The following CCDC171 variants were observed in gnomAD, a reference collection of about 807,000 sequenced individuals.
CCDC171 encodes coiled-coil domain containing 171.
A neutral mutation model predicts 168.2 loss-of-function variants in CCDC171; 177 were observed. The observed-to-expected ratio is 1.05, with a 90% CI of 0.93 to 1.19. The LOEUF is 1.19. CCDC171 is among the 50% of genes most tolerant of loss of function. The pLI is 0.00. For missense variants in CCDC171, 1,991 were observed against 1,539.0 expected (o/e 1.29, Z -4.91); for synonymous variants, 687 against 540.8 (o/e 1.27, Z -3.75).
chr9:15,787,589 C>G (rs1170300983), intron 21 of CCDC171, among the ~76,000 whole-genome samples: 2 of 151,948 alleles, frequency 1.3e-5, no homozygotes, highest in African/African-American at 4.8e-5. Flanking sequence ...GATGAACAAC[C>G]TGGTATCTAA....
intron 7 of CCDC171, among the ~76,000 whole-genome samples, chr9:15,630,771 G>GTT (rs2045612630): frequency 1.3e-5 from 2 of 152,178 alleles, no homozygotes; most frequent in South Asian, 4.1e-4. Context: ...ATAGTTGGAA[G>GTT]TAAAGCTCTC....
At chr9:16,029,425 T>C (rs1202852294) in intron 6 of CCDC171, among the ~76,000 whole-genome samples, 1 of 152,196 alleles carries the variant, frequency 6.6e-6, no homozygotes, top group African/African-American at 2.4e-5. Flanking sequence ...GGAACTCTGA[T>C]AAATTGGTGA....
intron 21 of CCDC171, among the ~76,000 whole-genome samples, chr9:15,815,204 A>G (rs1477801412): frequency 2.0e-5 from 3 of 152,058 alleles, no homozygotes; most frequent in African/African-American, 7.2e-5. Flanking sequence ...CAGGGGTCTC[A>G]AGACTTACGC....
intron 1 of CCDC171, among the ~76,000 whole-genome samples, chr9:15,562,467 A>G (rs1227545668): frequency 2.0e-5 from 3 of 152,176 alleles, no homozygotes; most frequent in South Asian, 2.1e-4. Flanking sequence ...GGAAGATGCT[A>G]TCTCTCTAGA....
chr9:16,037,399 G>C (rs995681426), intron 8 of CCDC171, among the ~76,000 whole-genome samples: 2 of 152,168 alleles, frequency 1.3e-5, no homozygotes, highest in Non-Finnish European at 2.9e-5. Flanking sequence ...GACCACACAA[G>C]ATCCCCTGAA....
chr9:15,667,461 C>T (rs2048813996), intron 9 of CCDC171, among the ~76,000 whole-genome samples: 1 of 152,072 alleles, frequency 6.6e-6, no homozygotes, highest in Admixed American at 6.5e-5. Context: ...GCCTGGCTAA[C>T]ATGGTGAAAC....
intron 20 of CCDC171, among the ~76,000 whole-genome samples, chr9:15,779,489 AGCTGGGATTACAGGTG>A: frequency 2.0e-5 from 3 of 152,114 alleles, no homozygotes; most frequent in Admixed American, 2.0e-4. Flanking sequence ...CCTCCCAAGC[AGCTGGGATTACAGGTG>A]GCTGCCACCA....
intron 21 of CCDC171, chr9:15,845,595 G>A (rs1359095512): frequency 4.6e-5 from 7 of 151,820 alleles, no homozygotes; most frequent in Non-Finnish European, 8.8e-5. Flanking sequence ...TGTTAGAAGA[G>A]TTTTACACAT....
chr9:15,596,791 T>C (rs1335217104), intron 6 of CCDC171, among the ~76,000 whole-genome samples: 1 of 152,154 alleles, frequency 6.6e-6, no homozygotes, highest in Non-Finnish European at 1.5e-5. Context: ...GGAATGTTCT[T>C]CCATTTGTTT....
chr9:15,953,227 G>A (rs1006674484), intron 25 of CCDC171, among the ~76,000 whole-genome samples: 1 of 152,146 alleles, frequency 6.6e-6, no homozygotes, highest in Non-Finnish European at 1.5e-5. Flanking sequence ...AATGCAAGTG[G>A]TGAAAGGAGT....
rs1380148963 is a variant in CCDC171 at position 15,820,425 on chromosome 9, A to T, written c.3268-26277A>T. On this transcript the variant is annotated intron_variant, in intron 21 of 25. Coordinates refer to ENST00000380701, the MANE Select transcript of CCDC171 (RefSeq NM_173550.4). ...GAGCTGGTTTTTTGAAAAGATCAAC[A>T]AAATTGATAGACCACTAGCAAGACT... 6.9e-5 allele frequency among the ~76,000 whole-genome samples: 8 copies of T among 115,670 alleles called. 2 individuals carry two copies. Among genetic ancestry groups the T allele is most frequent in the African/African-American group, 2.7e-4 (8 of 30,072 alleles). The allele number at this position is 115,670 out of a possible 152,430, so 75.9% of individuals were successfully genotyped here.
intron 4 of CCDC171, among the ~76,000 whole-genome samples, chr9:15,581,407 C>G (rs1488504304): frequency 1.3e-5 from 2 of 152,154 alleles, no homozygotes; most frequent in Non-Finnish European, 2.9e-5. Context: ...CACTGGCTTT[C>G]TTCACAGAAC....
At chr9:15,918,325 A>G (rs185923929) in intron 24 of CCDC171, among the ~76,000 whole-genome samples, 2 of 151,654 alleles carry the variant, frequency 1.3e-5, no homozygotes, top group East Asian at 3.9e-4. Context: ...GAAGTAGACA[A>G]GAAAACGACT....
At chr9:15,905,340 A>G (rs1822400132) in intron 24 of CCDC171, among the ~76,000 whole-genome samples, 1 of 152,252 alleles carries the variant, frequency 6.6e-6, no homozygotes, top group Non-Finnish European at 1.5e-5. Flanking sequence ...CCACAGTGCA[A>G]TCAAACTAGA....
chr9:15,672,606 G>C lies in CCDC171; in HGVS notation c.1077-6152G>C, dbSNP rs140748479. On this transcript the variant is annotated intron_variant, in intron 9 of 25. Transcript: ENST00000380701. ...TTCTGAACACCATTTATTAAATAGG[G>C]AATCCTTTCCCCGTTTCTTGTTTTT... Among the ~76,000 whole-genome samples the C allele has an allele frequency of 3.5e-4, 54 of 152,258 alleles. No homozygotes were observed. In the East Asian group the frequency reaches 0.01, roughly 29 times the overall value.
chr9:15,699,999 C>CGG (rs1302702296), intron 11 of CCDC171, among the ~76,000 whole-genome samples: 1 of 152,114 alleles, frequency 6.6e-6, no homozygotes, highest in Admixed American at 6.5e-5. Flanking sequence ...ATCCCGCACC[C>CGG]GGGCTGCAGG....
intron 18 of CCDC171, among the ~76,000 whole-genome samples, chr9:15,772,033 T>C (rs1355368804): frequency 6.6e-6 from 1 of 152,128 alleles, no homozygotes; most frequent in African/African-American, 2.4e-5. Flanking sequence ...GGGGTTTCTC[T>C]GTGTTGGCCA....
intron 3 of CCDC171, among the ~76,000 whole-genome samples, chr9:16,008,045 A>T (rs937553263): frequency 2.0e-5 from 3 of 152,126 alleles, no homozygotes; most frequent in Admixed American, 6.6e-5. Flanking sequence ...TTACTTCTTT[A>T]TAGTGTCCTT....
At chr9:15,838,528 T>C (rs2060544712) in intron 21 of CCDC171, among the ~76,000 whole-genome samples, 1 of 152,226 alleles carries the variant, frequency 6.6e-6, no homozygotes, top group Non-Finnish European at 1.5e-5. Context: ...AAGAACCCTT[T>C]CTTTAAAAAA....
Sources: allele counts gnomAD v4.1 joint callset (sites outside exome capture counted in the v4.1 genomes callset), GRCh38; gene constraint gnomAD v4.1.1; transcripts MANE v1.5; gene names NCBI Gene and HGNC (gene_info 2026-07-23, HGNC 2026-07-21).